The following SORCS2 variants were observed in gnomAD, a reference collection of about 807,000 sequenced individuals.
SORCS2 encodes VPS10 domain-containing receptor SorCS2.
SORCS2 carries 100 observed loss-of-function variants against 141.6 expected under a neutral mutation model. The ratio of observed to expected loss-of-function variants is 0.71; its 90% CI spans 0.60 to 0.83. SORCS2 has a LOEUF of 0.83. SORCS2 is among the 40% of genes least tolerant of loss of function. The probability of loss-of-function intolerance (pLI) is 0.00; values close to 1 mark genes in which losing one functional copy is unlikely to be tolerated. For missense variants in SORCS2, 1,646 were observed against 1,560.2 expected (o/e 1.05, Z -0.93); for synonymous variants, 789 against 676.9 (o/e 1.17, Z -2.57).
At chr4:7,551,682 G>T (rs1713713732) in intron 3 of SORCS2, among the ~76,000 whole-genome samples, 1 of 152,204 alleles carries the variant, frequency 6.6e-6, no homozygotes, top group Non-Finnish European at 1.5e-5. Flanking sequence ...ACAAGGTGAG[G>T]CATGTATCCA....
At chr4:7,435,067 C>T (rs1727206625) in intron 2 of SORCS2, 4 of 630,058 alleles carry the variant, frequency 6.3e-6, no homozygotes, top group African/African-American at 1.8e-5. Flanking sequence ...GTGCCTGGAA[C>T]ACTATCCCTC....
At chr4:7,658,123 TTGAGTGACTGAG>T (rs540491022) in intron 5 of SORCS2, among the ~76,000 whole-genome samples, 132 of 139,704 alleles carry the variant, frequency 9.4e-4, no homozygotes, top group Non-Finnish European at 1.5e-3. Context: ...GAGTCGGTGA[TTGAGTGACTGAG>T]TGAGTGACTG....
At chr4:7,478,046 G>A (rs1730408926) in intron 2 of SORCS2, among the ~76,000 whole-genome samples, 4 of 152,182 alleles carry the variant, frequency 2.6e-5, no homozygotes. Flanking sequence ...GCCACCGGGG[G>A]CCTCTTGAGC....
intron 1 of SORCS2, among the ~76,000 whole-genome samples, chr4:7,348,252 C>G (rs1720749649): frequency 6.6e-6 from 1 of 152,204 alleles, no homozygotes. Flanking sequence ...ATTCTTCCAG[C>G]TTTCTCACAA....
intron 2 of SORCS2, among the ~76,000 whole-genome samples, chr4:7,402,402 C>T (rs114885646): frequency 0.032 from 4,878 of 152,316 alleles, 137 homozygotes; most frequent in Non-Finnish European, 0.046. Context: ...GTATGTCTCC[C>T]TGCAATCAAT....
chr4:7,306,362 G>T (rs929846788), intron 1 of SORCS2, among the ~76,000 whole-genome samples: 1 of 152,054 alleles, frequency 6.6e-6, no homozygotes, highest in Non-Finnish European at 1.5e-5. Flanking sequence ...GGCTTCTGGT[G>T]GGGGTGGGTG....
At chr4:7,685,024 C>T (rs767708492) in intron 10 of SORCS2, among the ~76,000 whole-genome samples, 14 of 152,216 alleles carry the variant, frequency 9.2e-5, no homozygotes, top group African/African-American at 2.9e-4. Context: ...GCTCAAGCCC[C>T]GCTCCTGCTG....
intron 2 of SORCS2, among the ~76,000 whole-genome samples, chr4:7,404,177 A>C (rs1010029295): frequency 1.3e-5 from 2 of 151,828 alleles, no homozygotes; most frequent in African/African-American, 4.8e-5. Flanking sequence ...ACATGATCTC[A>C]TTCATGTTCA....
chr4:7,648,772 G>A lies in SORCS2; in HGVS notation c.814-5362G>A, dbSNP rs1403597303. Reference sequence around the variant, plus strand: ...CAGGGACAGGCACCAGGGCGGCCCCGGGGAGCAATGGGAGTGGACTGAGTG... The same window carrying A: ...CAGGGACAGGCACCAGGGCGGCCCCAGGGAGCAATGGGAGTGGACTGAGTG... On this transcript the variant is annotated intron_variant, in intron 4 of 26. Coordinates refer to ENST00000507866, the MANE Select transcript of SORCS2 (RefSeq NM_020777.3). This position sits in a 1 kb window ranked among gnomAD's most constrained non-coding sequence, Gnocchi z 4.2. 2.0e-5 allele frequency among the ~76,000 whole-genome samples: 3 copies of A among 152,034 alleles called. No homozygotes were observed. The highest frequency in any genetic ancestry group is 4.4e-5 in the Non-Finnish European group (3 of 67,978).
rs987242879 is a variant in SORCS2 at position 7,331,522 on chromosome 4, C to T, written c.481-64766C>T. ...TAGAGCTGATGCCTCAGTTCAGCCA[C>T]AGGTGGGAGGAAAGGGCTTTAGAGT... On this transcript the variant is annotated intron_variant, in intron 1 of 26. Transcript: ENST00000507866. Among the ~76,000 whole-genome samples the T allele has an allele frequency of 1.6e-4, 25 of 152,092 alleles. 1 individual carries two copies. The highest frequency in any genetic ancestry group is 1.5e-5 in the Non-Finnish European group (1 of 68,018).
rs149598781 is a variant in SORCS2, at chr4:7,303,776, G to A, written c.481-92512G>A. On this transcript the variant is annotated intron_variant, in intron 1 of 26. Coordinates refer to ENST00000507866, the MANE Select transcript of SORCS2 (RefSeq NM_020777.3). ...GAAGGAAAACACCTTCTAAGGCCAA[G>A]TCAGAGCGCAGGACGCAGACCTCGG... 9.5e-4 allele frequency among the ~76,000 whole-genome samples: 145 copies of A among 152,394 alleles called. 1 individual carries two copies. The highest frequency in any genetic ancestry group is 3.3e-3 in the African/African-American group (136 of 41,602).
chr4:7,518,482 G>A (rs1010284354), intron 2 of SORCS2, among the ~76,000 whole-genome samples: 5 of 152,122 alleles, frequency 3.3e-5, no homozygotes, highest in Non-Finnish European at 5.9e-5. Context: ...TGTCTCGTGG[G>A]GACTGCAGAG....
intron 1 of SORCS2, among the ~76,000 whole-genome samples, chr4:7,325,752 G>A (rs57873272): frequency 0.099 from 15,021 of 152,234 alleles, 847 homozygotes; most frequent in East Asian, 0.2. Context: ...TGCAGCCTGA[G>A]CTCTGGGACC....
intron 3 of SORCS2, among the ~76,000 whole-genome samples, chr4:7,546,146 T>A (rs1282982355): frequency 6.6e-6 from 1 of 152,124 alleles, no homozygotes; most frequent in Non-Finnish European, 1.5e-5. Context: ...TGGGGAGGAA[T>A]ACAACATTCA....
chr4:7,374,158 T>C (rs868584342), intron 1 of SORCS2, among the ~76,000 whole-genome samples: 13 of 147,818 alleles, frequency 8.8e-5, no homozygotes, highest in Non-Finnish European at 1.3e-4. Flanking sequence ...TTTCTTTCTT[T>C]CTTTCTTTCT....
chr4:7,675,084 A>T (rs984157511), intron 8 of SORCS2, among the ~76,000 whole-genome samples: 1 of 152,196 alleles, frequency 6.6e-6, no homozygotes, highest in Non-Finnish European at 1.5e-5. Flanking sequence ...GGACCCTTTT[A>T]CTCTTGCCTC....
chr4:7,561,067 G>A (rs555321977), intron 3 of SORCS2, among the ~76,000 whole-genome samples: 5 of 152,268 alleles, frequency 3.3e-5, no homozygotes, highest in South Asian at 4.2e-4. Flanking sequence ...TGTGTCTTTC[G>A]ATGTCACCTC....
At chr4:7,386,479 ACACATTTGCACACACGCACACACATG>A (rs1723332710) in intron 1 of SORCS2, among the ~76,000 whole-genome samples, 1 of 84,524 alleles carries the variant, frequency 1.2e-5, no homozygotes, top group African/African-American at 5.6e-5. Flanking sequence ...GCACACACAT[ACACATTTGCACACACGCACACACATG>A]CCCACCATAC....
chr4:7,339,711 G>A (rs1481617855), intron 1 of SORCS2, among the ~76,000 whole-genome samples: 1 of 152,216 alleles, frequency 6.6e-6, no homozygotes, highest in Non-Finnish European at 1.5e-5. Flanking sequence ...ACATTCGTAG[G>A]TCCTGGGGGT....
Sources: allele counts gnomAD v4.1 joint callset (sites outside exome capture counted in the v4.1 genomes callset), GRCh38; gene constraint gnomAD v4.1.1; non-coding constraint Gnocchi (gnomAD v3.1); transcripts MANE v1.5; gene names NCBI Gene and HGNC (gene_info 2026-07-23, HGNC 2026-07-21).